LRRTM4: variants seen among roughly 807,000 people sequenced by gnomAD.
LRRTM4 encodes leucine rich repeat transmembrane neuronal 4, also known as leucine-rich repeat transmembrane neuronal protein 4.
Under a neutral mutation model 47.6 loss-of-function variants are expected in LRRTM4, and 25 were observed. That is an observed-to-expected ratio of 0.53 (90% confidence interval 0.38 to 0.73). LRRTM4 has a LOEUF of 0.73. Ranked by LOEUF, LRRTM4 falls within the 30% of genes least tolerant of loss-of-function variation. The pLI, the probability that LRRTM4 is intolerant of heterozygous loss-of-function variation, is 0.00. For synonymous variants in LRRTM4, 311 were observed against 269.5 expected (o/e 1.15, Z -1.51); for missense variants, 638 against 713.4 (o/e 0.89, Z 1.20).
intron 3 of LRRTM4, among the ~76,000 whole-genome samples, chr2:76,821,762 G>GT (rs945880423): frequency 5.3e-5 from 8 of 151,720 alleles, no homozygotes; most frequent in Non-Finnish European, 1.0e-4. Flanking sequence ...GAAAAATTGT[G>GT]TTTTTTTTCC....
chr2:77,410,510 T>G (rs1466644941), intron 3 of LRRTM4, among the ~76,000 whole-genome samples: 4 of 152,158 alleles, frequency 2.6e-5, no homozygotes, highest in Admixed American at 6.5e-5. Flanking sequence ...CAGGGAATAC[T>G]TTCCAATCTG....
intron 3 of LRRTM4, among the ~76,000 whole-genome samples, chr2:77,421,706 C>CAAA (rs1292134203): frequency 2.1e-4 from 29 of 139,538 alleles, no homozygotes; most frequent in African/African-American, 7.3e-4. Context: ...GACTCCATCT[C>CAAA]AAAAAAAAAA....
intron 3 of LRRTM4, among the ~76,000 whole-genome samples, chr2:76,918,170 A>C (rs1674317287): frequency 6.6e-6 from 1 of 152,228 alleles, no homozygotes; most frequent in Non-Finnish European, 1.5e-5. Context: ...ACAATACACT[A>C]ATACATGAGA....
chr2:77,130,407 CTTAA>C (rs775920572), intron 3 of LRRTM4, among the ~76,000 whole-genome samples: 2 of 152,040 alleles, frequency 1.3e-5, no homozygotes, highest in African/African-American at 4.8e-5. Flanking sequence ...ATTTTCTTTA[CTTAA>C]TTATTATTTG....
At chr2:77,304,406 A>C (rs575154329) in intron 3 of LRRTM4, among the ~76,000 whole-genome samples, 91 of 152,272 alleles carry the variant, frequency 6.0e-4, no homozygotes, top group African/African-American at 2.1e-3. Flanking sequence ...AGTGAATGCC[A>C]AGTTCCTGAA....
intron 3 of LRRTM4, among the ~76,000 whole-genome samples, chr2:76,879,416 T>C (rs1033020501): frequency 4.6e-5 from 7 of 152,208 alleles, no homozygotes; most frequent in Non-Finnish European, 8.8e-5. Flanking sequence ...GCCTATTCTC[T>C]GTAAATTGAA....
intron 3 of LRRTM4, among the ~76,000 whole-genome samples, chr2:76,796,108 A>T (rs140879042): frequency 1.6e-5 from 2 of 126,598 alleles, no homozygotes; most frequent in South Asian, 2.6e-4. Flanking sequence ...CTTTTCAGAC[A>T]GGCTTAAAAA....
At chr2:77,343,968 T>C (rs1671467219) in intron 3 of LRRTM4, among the ~76,000 whole-genome samples, 1 of 151,674 alleles carries the variant, frequency 6.6e-6, no homozygotes, top group Non-Finnish European at 1.5e-5. Context: ...ATTATTGCAG[T>C]GGAGAAATAG....
chr2:77,348,986 C>G (rs1057020013), intron 3 of LRRTM4, among the ~76,000 whole-genome samples: 1 of 151,700 alleles, frequency 6.6e-6, no homozygotes, highest in Non-Finnish European at 1.5e-5. Flanking sequence ...AAACTGACAG[C>G]AAATATGATT....
intron 3 of LRRTM4, among the ~76,000 whole-genome samples, chr2:76,952,555 T>G (rs773114071): frequency 2.0e-5 from 3 of 151,838 alleles, no homozygotes; most frequent in Non-Finnish European, 2.9e-5. Flanking sequence ...AATGGCAAGT[T>G]TGTACAAAAA....
chr2:77,083,798 T>TTTTTTTTTTTC (rs1680612847), intron 3 of LRRTM4, among the ~76,000 whole-genome samples: 3 of 99,936 alleles, frequency 3.0e-5, no homozygotes, highest in Admixed American at 1.0e-4. Context: ...TTTTTTTTTT[T>TTTTTTTTTTTC]TTTTTTTTTT....
At chr2:77,304,831 C>T (rs1447305202) in intron 3 of LRRTM4, among the ~76,000 whole-genome samples, 3 of 151,920 alleles carry the variant, frequency 2.0e-5, no homozygotes, top group East Asian at 1.9e-4. Flanking sequence ...AATTGATTAC[C>T]TTTTTTGGGA....
At chr2:76,918,712 G>T (rs1279540528) in intron 3 of LRRTM4, among the ~76,000 whole-genome samples, 1 of 152,046 alleles carries the variant, frequency 6.6e-6, no homozygotes, top group African/African-American at 2.4e-5. Flanking sequence ...TCACATGACA[G>T]AAGCTAAAAC....
intron 3 of LRRTM4, among the ~76,000 whole-genome samples, chr2:76,958,722 T>C (rs947647784): frequency 2.6e-5 from 4 of 151,754 alleles, no homozygotes; most frequent in Non-Finnish European, 5.9e-5. Flanking sequence ...AAGATCAAGG[T>C]ATCCTACTAA....
intron 3 of LRRTM4, among the ~76,000 whole-genome samples, chr2:76,819,686 C>G (rs935730893): frequency 5.9e-5 from 9 of 151,864 alleles, no homozygotes; most frequent in Non-Finnish European, 1.2e-4. Flanking sequence ...GATTCATCTT[C>G]TAGATTGTTA....
intron 3 of LRRTM4, among the ~76,000 whole-genome samples, chr2:77,049,092 T>C (rs576006746): frequency 7.9e-5 from 11 of 138,392 alleles, no homozygotes; most frequent in African/African-American, 2.4e-4. Flanking sequence ...TGACAGTTTG[T>C]TTTTTTTTGA....
rs558581312 is a variant in LRRTM4 at position 76,763,624 on chromosome 2, G to A, written c.1552-14708C>T. The stretch of plus-strand genomic sequence containing the variant: ...ATCCAAACATATGAATAGAGATTTT[G>A]GTCCTGTGAAGTGGAGTGCTGCTCC... On this transcript the variant is annotated intron_variant, in intron 3 of 3. Coordinates refer to ENST00000409884, the MANE Select transcript of LRRTM4 (RefSeq NM_001134745.3). Among the ~76,000 whole-genome samples the A allele has an allele frequency of 2.6e-4, 39 of 152,300 alleles. No homozygotes were observed. In the South Asian group the frequency reaches 8.1e-3, roughly 32 times the overall value.
chr2:76,974,130 TCATATATATA>T (rs1333810725), intron 3 of LRRTM4, among the ~76,000 whole-genome samples: 6 of 126,558 alleles, frequency 4.7e-5, no homozygotes, highest in Non-Finnish European at 9.6e-5. Context: ...ACACATTTGC[TCATATATATA>T]CATATATATA....
At chr2:77,335,449 C>T (rs941006839) in intron 3 of LRRTM4, among the ~76,000 whole-genome samples, 1 of 152,170 alleles carries the variant, frequency 6.6e-6, no homozygotes, top group Admixed American at 6.5e-5. Flanking sequence ...GCCTGAAATG[C>T]TAACACTTTG....
Sources: gnomAD v4.1 joint callset for allele counts (sites outside exome capture counted in the v4.1 genomes callset) on GRCh38, gnomAD v4.1.1 for gene constraint, MANE v1.5 for transcripts, NCBI Gene and HGNC (gene_info 2026-07-23, HGNC 2026-07-21) for gene names.